The following GPCPD1 variants were observed in gnomAD, a reference collection of about 807,000 sequenced individuals.
GPCPD1 encodes the protein glycerophosphocholine phosphodiesterase GPCPD1.
A neutral mutation model predicts 89.2 loss-of-function variants in GPCPD1; 29 were observed. The ratio of observed to expected loss-of-function variants is 0.33; its 90% CI spans 0.24 to 0.44. The LOEUF (loss-of-function observed/expected upper bound fraction) is 0.44. Among genes scored for constraint, GPCPD1 ranks in the 20% least tolerant of loss-of-function variants. GPCPD1 has a pLI of 1.00. For missense variants in GPCPD1, 594 were observed against 808.9 expected (o/e 0.73, Z 3.22); for synonymous variants, 258 against 266.3 (o/e 0.97, Z 0.30).
At chr20:5,608,690 G>GA (rs1241143355) in intron 1 of GPCPD1, among the ~76,000 whole-genome samples, 1 of 152,070 alleles carries the variant, frequency 6.6e-6, no homozygotes, top group East Asian at 1.9e-4. Context: ...AGAGTAAGAT[G>GA]AAAAATGTTA....
At chr20:5,560,114 T>A in intron 16 of GPCPD1, 38 bp from the exon 17 acceptor site, 1 of 1,456,748 alleles carries the variant, frequency 6.9e-7, no homozygotes, top group South Asian at 1.4e-5. Flanking sequence ...TCACTGCACA[T>A]CCTAAAATCA....
Position 5,553,165 on chromosome 20 carries a change from T to G in GPCPD1, c.1829+4780A>C, listed in dbSNP as rs1985531928. On this transcript the variant is annotated intron_variant, in intron 19 of 19. Coordinates refer to ENST00000379019, the MANE Select transcript of GPCPD1 (RefSeq NM_019593.5). ...GTGCCATTTTCCCAACAGCATCTGC[T>G]CACTTCATATCTGCGTCACATTTTG... is the stretch of plus-strand genomic sequence containing the variant. 2.0e-5 allele frequency among the ~76,000 whole-genome samples: 3 copies of G among 152,302 alleles called. 1 individual carries two copies. The highest frequency in any genetic ancestry group is 4.1e-4 in the South Asian group (2 of 4,824).
chr20:5,593,210 G>A, intron 4 of GPCPD1, 117 bp downstream of exon 4: 1 of 616,512 alleles, frequency 1.6e-6, no homozygotes, highest in East Asian at 2.7e-5. Flanking sequence ...TTAATCAAGA[G>A]TTCTATTCCT....
At chr20:5,557,111 G>A (rs1451816686) in intron 19 of GPCPD1, among the ~76,000 whole-genome samples, 2 of 152,244 alleles carry the variant, frequency 1.3e-5, no homozygotes, top group Non-Finnish European at 2.9e-5. Flanking sequence ...AGGTCAGAGA[G>A]GGAAAGAGGG....
intron 6 of GPCPD1, among the ~76,000 whole-genome samples, chr20:5,583,063 C>T (rs1978660643): frequency 1.3e-5 from 2 of 151,546 alleles, no homozygotes; most frequent in South Asian, 2.1e-4. Flanking sequence ...GGAGAAACCC[C>T]GTCTCTACTA....
intron 14 of GPCPD1, among the ~76,000 whole-genome samples, chr20:5,565,685 T>C (rs1302914181): frequency 6.7e-6 from 1 of 148,306 alleles, no homozygotes; most frequent in Non-Finnish European, 1.5e-5. Flanking sequence ...ACTAAAGTAC[T>C]ACTCTTTAAA....
In GPCPD1 at chr20:5,546,819, T is replaced by G. The variant is rs1985052489; in HGVS notation, c.*842A>C. ...TTTTTAGGCAACAAAATACGTCCAG[T>G]CCTTGACATCTTCTCATACTCACCT... On this transcript the variant is annotated 3_prime_UTR_variant, in exon 20 of 20. Transcript: ENST00000379019. The G allele has an allele frequency of 6.6e-6, 1 of 152,352 alleles. No individual in the cohort carries two copies. The allele number at this position is 152,352 out of a possible 1,614,324, so 9.4% of individuals were successfully genotyped here.
At chr20:5,596,165 G>A (rs1030959009) in intron 3 of GPCPD1, among the ~76,000 whole-genome samples, 3 of 152,194 alleles carry the variant, frequency 2.0e-5, no homozygotes, top group African/African-American at 7.2e-5. Flanking sequence ...CTGGGAGGCT[G>A]AGGCGGGAGG....
At chr20:5,571,801 C>T (rs1353644841) in intron 11 of GPCPD1, among the ~76,000 whole-genome samples, 5 of 151,772 alleles carry the variant, frequency 3.3e-5, no homozygotes, top group African/African-American at 7.3e-5. Flanking sequence ...CTCAGCTACT[C>T]GGGAGGCTGA....
At chr20:5,588,145 A>G (rs1445987205) in intron 4 of GPCPD1, among the ~76,000 whole-genome samples, 1 of 152,246 alleles carries the variant, frequency 6.6e-6, no homozygotes, top group Non-Finnish European at 1.5e-5. Context: ...GATGTTTACT[A>G]TAACATTTTT....
chr20:5,565,199 C>T (rs547655859), intron 14 of GPCPD1, 121 bp from the exon 15 acceptor site: 16 of 631,970 alleles, frequency 2.5e-5, no homozygotes, highest in South Asian at 1.3e-4. Context: ...TGTGAGCAAG[C>T]GCGAGAGCAT....
intron 1 of GPCPD1, among the ~76,000 whole-genome samples, chr20:5,610,478 C>A (rs978570197): frequency 1.3e-5 from 2 of 152,082 alleles, no homozygotes; most frequent in African/African-American, 4.8e-5. Flanking sequence ...ACCTCATCTG[C>A]ATTTTTGGTG....
intron 9 of GPCPD1, 121 bp from the exon 10 acceptor site, chr20:5,575,666 A>C (rs1456190880): frequency 2.2e-6 from 2 of 909,966 alleles, no homozygotes; most frequent in Non-Finnish European, 3.4e-6. Context: ...ACGGAAAAAA[A>C]AACAAGATTC....
At chr20:5,574,558 G>A (rs1978285326) in intron 10 of GPCPD1, among the ~76,000 whole-genome samples, 1 of 152,100 alleles carries the variant, frequency 6.6e-6, no homozygotes, top group Non-Finnish European at 1.5e-5. Flanking sequence ...AACAAGGTGA[G>A]ACCCGGTCTC....
intron 5 of GPCPD1, 183 bp from the exon 6 acceptor site, chr20:5,584,505 C>T (rs1273036946): frequency 2.3e-6 from 1 of 428,460 alleles, no homozygotes; most frequent in Non-Finnish European, 4.3e-6. Context: ...AGGAGGCTAG[C>T]AAACAGTAAT....
At chr20:5,562,376 G>C (rs1310934353) in intron 15 of GPCPD1, among the ~76,000 whole-genome samples, 1 of 152,132 alleles carries the variant, frequency 6.6e-6, no homozygotes, top group African/African-American at 2.4e-5. Flanking sequence ...TCCACCTCTG[G>C]GGTTCAAGCA....
intron 1 of GPCPD1, among the ~76,000 whole-genome samples, chr20:5,610,352 CT>C (rs1448363033): frequency 1.3e-5 from 2 of 152,150 alleles, no homozygotes; most frequent in Non-Finnish European, 2.9e-5. Flanking sequence ...ATGCCCTAGA[CT>C]ACGTGTCCGG....
intron 17 of GPCPD1, among the ~76,000 whole-genome samples, chr20:5,559,248 A>G (rs1232767234): frequency 9.9e-5 from 15 of 152,102 alleles, no homozygotes; most frequent in Non-Finnish European, 1.8e-4. Context: ...AAAACAAAGA[A>G]ACATATTCCC....
At position 5,544,573 on chromosome 20, in the gene GPCPD1, C is replaced by G. The variant is rs1984950101; in HGVS notation, c.*3088G>C. The G allele has an allele frequency of 6.6e-6, 1 of 152,184 alleles. No individual in the cohort carries two copies. The allele number at this position is 152,184 out of a possible 1,614,324, so 9.4% of individuals were successfully genotyped here. A position where few individuals can be genotyped will look rare whatever the true frequency, so the allele number is the denominator to read the frequency against. ...GAGAATATAACAGGCACATAAGAAG[C>G]TGGACTACAAGGAAGCATGAGCTAA... is the stretch of plus-strand genomic sequence containing the variant. On this transcript the variant is annotated 3_prime_UTR_variant, in exon 20 of 20. Transcript: ENST00000379019.
Sources: gnomAD v4.1 joint callset for allele counts (sites outside exome capture counted in the v4.1 genomes callset) on GRCh38, gnomAD v4.1.1 for gene constraint, MANE v1.5 for transcripts, NCBI Gene and HGNC (gene_info 2026-07-23, HGNC 2026-07-21) for gene names.